RPIA: variants seen among roughly 807,000 people sequenced by gnomAD.
The protein encoded by RPIA is ribose-5-phosphate isomerase.
In RPIA, 29 loss-of-function variants were observed where a neutral mutation model predicts 37.8. The observed-to-expected ratio is 0.77, with a 90% confidence interval of 0.57 to 1.05. RPIA has a LOEUF of 1.05. Ranked by LOEUF, RPIA falls within the 50% of genes least tolerant of loss-of-function variation. RPIA has a pLI of 0.00. For missense variants in RPIA, 385 were observed against 413.6 expected (o/e 0.93, Z 0.60); for synonymous variants, 167 against 157.0 (o/e 1.06, Z -0.48).
chr2:88,707,073 C>G (rs1313313701), intron 3 of RPIA, among the ~76,000 whole-genome samples: 1 of 152,216 alleles, frequency 6.6e-6, no homozygotes, highest in Non-Finnish European at 1.5e-5. Flanking sequence ...TTAGAGGCCA[C>G]TTCAGTTTCC....
chr2:88,702,352 A>G (rs781517758), intron 3 of RPIA, among the ~76,000 whole-genome samples: 1 of 150,230 alleles, frequency 6.7e-6, no homozygotes, highest in Admixed American at 6.6e-5. Context: ...GTGTTAGTCC[A>G]TTTTCATGCT....
At chr2:88,742,914 A>T (rs1340376439) in intron 8 of RPIA, among the ~76,000 whole-genome samples, 1 of 152,146 alleles carries the variant, frequency 6.6e-6, no homozygotes, top group Admixed American at 6.5e-5. Context: ...AACTTTACGG[A>T]ATTCATTTAT....
intron 3 of RPIA, among the ~76,000 whole-genome samples, chr2:88,720,271 T>C (rs10169748): frequency 0.065 from 9,871 of 152,090 alleles, 572 homozygotes; most frequent in African/African-American, 0.15. Context: ...CGTAAGCAAA[T>C]CAAAACTTAA....
At chr2:88,712,782 A>T (rs372580329) in intron 3 of RPIA, among the ~76,000 whole-genome samples, 7 of 152,146 alleles carry the variant, frequency 4.6e-5, no homozygotes, top group Non-Finnish European at 8.8e-5. Flanking sequence ...AAGCCGCTAT[A>T]CTTGGCTGCA....
chr2:88,735,666 C>T lies in RPIA; in HGVS notation c.528-3C>T, dbSNP rs1260551232. 1 of 1,614,004 alleles carries T rather than the reference C, an allele frequency of 6.2e-7. No homozygotes were observed. Among genetic ancestry groups the T allele is most frequent in the South Asian group, 1.1e-5 (1 of 91,066 alleles). On this transcript the variant is annotated splice_polypyrimidine_tract_variant and splice_region_variant and intron_variant, in intron 5 of 8. Transcript: ENST00000283646. The stretch of plus-strand genomic sequence containing the variant: ...CCTGTGTTCCTTTGCTTCTTTCCTG[C>T]AGAGGCTGCCTGACCCAGGAGAAGA...
chr2:88,717,331 G>GGTCAGAGCACAGTTTGGTTTT (rs1673048761), intron 3 of RPIA, among the ~76,000 whole-genome samples: 1 of 152,152 alleles, frequency 6.6e-6, no homozygotes, highest in Non-Finnish European at 1.5e-5. Context: ...TGCCCAAGGT[G>GGTCAGAGCACAGTTTGGTTTT]GTCAGAGCAC....
chr2:88,746,804 C>T (rs972345641), intron 8 of RPIA, among the ~76,000 whole-genome samples: 3 of 152,108 alleles, frequency 2.0e-5, no homozygotes, highest in Non-Finnish European at 4.4e-5. Flanking sequence ...ATGTTGCAGG[C>T]GGTGGAATTA....
chr2:88,712,487 A>C (rs147301759), intron 3 of RPIA, among the ~76,000 whole-genome samples: 174 of 152,312 alleles, frequency 1.1e-3, no homozygotes, highest in African/African-American at 3.8e-3. Context: ...ATGGAAGATG[A>C]ACATTTGCTT....
intron 3 of RPIA, among the ~76,000 whole-genome samples, chr2:88,710,625 G>A (rs1009622982): frequency 1.3e-5 from 2 of 152,096 alleles, no homozygotes; most frequent in Non-Finnish European, 2.9e-5. Context: ...GCCCCATTTT[G>A]GCCAAGTTAA....
At chr2:88,728,438 C>G (rs1178930837) in intron 3 of RPIA, among the ~76,000 whole-genome samples, 1 of 152,168 alleles carries the variant, frequency 6.6e-6, no homozygotes, top group Non-Finnish European at 1.5e-5. Flanking sequence ...GATTCTTAAT[C>G]TCAGGTGCTT....
At chr2:88,734,944 G>A (rs1028268486) in intron 5 of RPIA, among the ~76,000 whole-genome samples, 3 of 152,218 alleles carry the variant, frequency 2.0e-5, no homozygotes, top group Admixed American at 1.3e-4. Flanking sequence ...GTGGGCACCA[G>A]TGTGTGACTT....
intron 3 of RPIA, among the ~76,000 whole-genome samples, chr2:88,705,488 G>A (rs1413759782): frequency 6.6e-6 from 1 of 152,164 alleles, no homozygotes; most frequent in African/African-American, 2.4e-5. Flanking sequence ...AATGGTGCCA[G>A]GAGAACTGGC....
intron 8 of RPIA, among the ~76,000 whole-genome samples, chr2:88,743,070 A>G (rs1172593223): frequency 6.6e-6 from 1 of 151,982 alleles, no homozygotes; most frequent in Non-Finnish European, 1.5e-5. Flanking sequence ...CTTCAATAGT[A>G]TGTTGGATAC....
intron 3 of RPIA, among the ~76,000 whole-genome samples, chr2:88,726,994 C>G (rs1172904570): frequency 1.3e-5 from 2 of 152,218 alleles, no homozygotes; most frequent in African/African-American, 4.8e-5. Flanking sequence ...CCACCTTGGC[C>G]TCCCGAAGTG....
chr2:88,736,429 T>C, intron 6 of RPIA, 106 bp from the exon 7 acceptor site: 1 of 1,229,376 alleles, frequency 8.1e-7, no homozygotes, highest in Non-Finnish European at 1.2e-6. Flanking sequence ...CTTGATCACT[T>C]TCCTTGCCTT....
chr2:88,737,921 CCTT>C lies in RPIA; in HGVS notation c.739-53_739-51del, dbSNP rs1470422563. Reference sequence around the variant, plus strand: ...TTGGTTATCCCCTCTACTTTCCTGTCCTTCTCTGCCTACCTGTATCTGCATCCT... The same window carrying C: ...TTGGTTATCCCCTCTACTTTCCTGTCCTCTGCCTACCTGTATCTGCATCCT... On this transcript the variant is annotated intron_variant, in intron 7 of 8. Coordinates refer to ENST00000283646, the MANE Select transcript of RPIA (RefSeq NM_144563.3). 3.0e-6 allele frequency: 4 copies of C among 1,313,214 alleles called. No homozygotes were observed. In the African/African-American group the frequency reaches 4.3e-5, roughly 14 times the overall value. The allele number at this position is 1,313,214 out of a possible 1,614,324, so 81.3% of individuals were successfully genotyped here.
At chr2:88,698,973 G>A (rs1261108899) in intron 2 of RPIA, among the ~76,000 whole-genome samples, 1 of 152,192 alleles carries the variant, frequency 6.6e-6, no homozygotes, top group East Asian at 1.9e-4. Flanking sequence ...GTTCCTGCAG[G>A]TGCTCATTTC....
At position 88,691,880 on chromosome 2, in the gene RPIA, G is replaced by A; in HGVS notation, c.182G>A (p.Ser61Asn). The A allele has an allele frequency of 6.3e-7, 1 of 1,596,170 alleles. No individual in the cohort carries two copies. Among genetic ancestry groups the A allele is most frequent in the Non-Finnish European group, 8.5e-7 (1 of 1,172,544 alleles). Residue 61 changes from serine (S) to asparagine (N), a missense_variant, in exon 1 of 9, where the codon AGC becomes AAC. Ser to Asn is a conservative substitution (Grantham distance 46). This residue lies in a region of RPIA where 232 missense variants were observed against 203.0 expected (regional missense o/e 1.14). Coordinates refer to ENST00000283646, the MANE Select transcript of RPIA (RefSeq NM_144563.3). ...GGCGGTGCTGGCAACACAAGCACCA[G>A]CTGCGGGGACTCCAACAGCATCTGC... ...TRGGAGNTST[S>N]CGDSNSICPA...
chr2:88,711,078 C>T (rs1177741299), intron 3 of RPIA, among the ~76,000 whole-genome samples: 2 of 152,224 alleles, frequency 1.3e-5, no homozygotes, highest in African/African-American at 4.8e-5. Flanking sequence ...TGAGGAATCT[C>T]CTCTGACCCT....
Sources: gnomAD v4.1 joint callset for allele counts (sites outside exome capture counted in the v4.1 genomes callset) on GRCh38, gnomAD v4.1.1 for gene constraint, gnomAD v4.1.1 regional missense constraint, MANE v1.5 for transcripts, NCBI Gene and HGNC (gene_info 2026-07-23, HGNC 2026-07-21) for gene names.